The following MRPS15 variants were observed in gnomAD, a reference collection of about 807,000 sequenced individuals.
MRPS15 encodes small ribosomal subunit protein uS15m.
MRPS15 carries 25 observed loss-of-function variants against 30.7 expected under a neutral mutation model. That is an observed-to-expected ratio of 0.81 (90% CI 0.59 to 1.14). MRPS15 has a LOEUF of 1.14. Ranked by LOEUF, MRPS15 falls within the 50% of genes most tolerant of loss-of-function variation. MRPS15 has a pLI of 0.00. For synonymous variants in MRPS15, 124 were observed against 120.1 expected, an observed-to-expected ratio of 1.03 and a Z score of -0.21; for missense variants, 313 against 321.7, an observed-to-expected ratio of 0.97 and a Z score of 0.21.
chr1:36,456,639 G>T, intron 6 of MRPS15: 1 of 370,414 alleles, frequency 2.7e-6, no homozygotes, highest in East Asian at 5.5e-5. Flanking sequence ...CTATTGGTCT[G>T]ACTTCAAACC....
At chr1:36,463,879 A>G (rs1179124751) in intron 1 of MRPS15, 29 bp from the exon 2 acceptor site, 4 of 1,601,012 alleles carry the variant, frequency 2.5e-6, no homozygotes, top group East Asian at 2.2e-5. Context: ...GCTGAGGACC[A>G]TCTCCTTAAA....
chr1:36,461,312 C>T lies in MRPS15; in HGVS notation c.252G>A (p.Lys84=), dbSNP rs1483271988. ...KDYQNVPGIE[K]VDDVVKRLLS... Reference sequence around the variant, plus strand: ...AGAGTCTTTTCACGACATCATCAACCCTGTGGATAAACCACAGCAATGAGA... The same window carrying T: ...AGAGTCTTTTCACGACATCATCAACTCTGTGGATAAACCACAGCAATGAGA... The change falls in exon 4 of 8, where the codon AAG becomes AAA. Residue 84 remains lysine, a splice_region_variant and synonymous_variant. Transcript: ENST00000373116. 1 of 1,614,108 alleles carries T rather than the reference C, an allele frequency of 6.2e-7. No individual in the cohort carries two copies.
chr1:36,461,234 G>A, intron 4 of MRPS15, 30 bp downstream of exon 4: 1 of 1,613,244 alleles, frequency 6.2e-7, no homozygotes, highest in South Asian at 1.1e-5. Flanking sequence ...GAAGACTGCG[G>A]GAGGCTGAGG....
intron 5 of MRPS15, among the ~76,000 whole-genome samples, chr1:36,460,073 C>G (rs987702510): frequency 6.6e-6 from 1 of 152,158 alleles, no homozygotes; most frequent in African/African-American, 2.4e-5. Context: ...TGCAGTGGCG[C>G]GATCTCGGCT....
chr1:36,463,674 G>A, intron 2 of MRPS15, 132 bp downstream of exon 2: 1 of 1,022,860 alleles, frequency 9.8e-7, no homozygotes, highest in South Asian at 1.7e-5. Context: ...TAAGGTGGAC[G>A]TGGGGTCTTT....
intron 6 of MRPS15, chr1:36,456,657 C>G (rs61772391): frequency 0.19 from 61,207 of 314,544 alleles, 6,534 homozygotes; most frequent in East Asian, 0.28. Context: ...ACCTCATGCT[C>G]TTTCTCCTAC....
In MRPS15 at chr1:36,458,934, G is replaced by A. The variant is rs147837207; in HGVS notation, c.386-953C>T. The A allele has an allele frequency of 2.6e-5, 4 of 152,368 alleles. No homozygotes were observed. Among genetic ancestry groups the A allele is most frequent in the Non-Finnish European group, 5.9e-5 (4 of 68,060 alleles). The allele number at this position is 152,368 out of a possible 1,614,324, so 9.4% of individuals were successfully genotyped here. On this transcript the variant is annotated intron_variant, in intron 5 of 7. Coordinates refer to ENST00000373116, the MANE Select transcript of MRPS15 (RefSeq NM_031280.4). The surrounding 1 kb of genome is among the most constrained non-coding windows in gnomAD (Gnocchi z 4.5). ...GAGTTCTGGGAGCACTGCAGAAAGTGCAGTGGGAACCCTGACCCCGACCAC... is the reference window on the plus strand; with the variant it reads ...GAGTTCTGGGAGCACTGCAGAAAGTACAGTGGGAACCCTGACCCCGACCAC...
At chr1:36,460,153 G>T (rs1292518087) in intron 5 of MRPS15, among the ~76,000 whole-genome samples, 3 of 152,070 alleles carry the variant, frequency 2.0e-5, no homozygotes, top group Non-Finnish European at 4.4e-5. Context: ...GACTACAGGC[G>T]CCCGCCACCA....
intron 2 of MRPS15, among the ~76,000 whole-genome samples, chr1:36,462,624 A>G (rs1012167519): frequency 9.9e-5 from 15 of 152,214 alleles, no homozygotes; most frequent in Admixed American, 2.6e-4. Flanking sequence ...CACCAAGTAG[A>G]GATCACAGGA....
chr1:36,463,974 AT>A (rs1650153964), intron 1 of MRPS15, 124 bp from the exon 2 acceptor site: 1 of 1,498,734 alleles, frequency 6.7e-7, no homozygotes, highest in Non-Finnish European at 9.0e-7. Context: ...CCGCTGCCCC[AT>A]TTCTTCCCTA....
rs773433131 is a variant in MRPS15 at position 36,464,158 on chromosome 1, G to A, written c.118C>T (p.Leu40=). 1.2e-6 allele frequency: 2 copies of A among 1,613,734 alleles called. No individual in the cohort carries two copies. Among genetic ancestry groups the A allele is most frequent in the Admixed American group, 1.7e-5 (1 of 59,972 alleles). ...SAKFPFNQWG[L]QPRSLLLQAA... ...CTCAGCTCCTCACTTCGAGGCTGCAGGCCCCACTGGTTGAAAGGAAACTTG... is the reference window on the plus strand; with the variant it reads ...CTCAGCTCCTCACTTCGAGGCTGCAAGCCCCACTGGTTGAAAGGAAACTTG... Residue 40 remains leucine, a synonymous_variant, in exon 1 of 8, where the codon CTG becomes TTG. Coordinates refer to ENST00000373116, the MANE Select transcript of MRPS15 (RefSeq NM_031280.4).
intron 5 of MRPS15, among the ~76,000 whole-genome samples, chr1:36,460,294 C>A (rs1019211142): frequency 6.6e-6 from 1 of 152,218 alleles, no homozygotes; most frequent in African/African-American, 2.4e-5. Context: ...GCGTGAGCCA[C>A]CGCGCCTGGC....
intron 1 of MRPS15, 95 bp from the exon 2 acceptor site, chr1:36,463,945 T>C: frequency 2.0e-6 from 3 of 1,530,498 alleles, no homozygotes; most frequent in South Asian, 2.4e-5. Context: ...CGCCACGGTC[T>C]ATGCGCTTCT....
rs746246055 is a variant in MRPS15 at position 36,460,662 on chromosome 1, AC to A, written c.385+29del. On this transcript the variant is annotated intron_variant, in intron 5 of 7. Transcript: ENST00000373116. The stretch of plus-strand genomic sequence containing the variant: ...GGTCCCAGCTAGCAGGCTTCCCTAC[AC>A]CCCCACTCCCCAAGGGTCCCCGACC... 5 of 1,569,804 alleles carry A rather than the reference AC, an allele frequency of 3.2e-6. No homozygotes were observed. The African/African-American group carries it at 6.8e-5, about 21-fold the overall frequency.
chr1:36,456,485 T>C (rs184151644), intron 6 of MRPS15, 107 bp from the exon 7 acceptor site: 9 of 1,070,206 alleles, frequency 8.4e-6, no homozygotes, highest in African/African-American at 3.2e-5. Flanking sequence ...AGTAATCTTA[T>C]GCAAATATTA....
In MRPS15 at chr1:36,458,748, C is replaced by G. The variant is rs1650041131; in HGVS notation, c.386-767G>C. ...CTCCATGCTTTGACTAATGAATTTT[C>G]AGAATTATCAGCTCCCACTTGTCTC... On this transcript the variant is annotated intron_variant, in intron 5 of 7. Coordinates refer to ENST00000373116, the MANE Select transcript of MRPS15 (RefSeq NM_031280.4). The surrounding 1 kb of genome is among the most constrained non-coding windows in gnomAD (Gnocchi z 4.5). The G allele has an allele frequency of 6.6e-6, 1 of 152,270 alleles. No homozygotes were observed. The highest frequency in any genetic ancestry group is 1.5e-5 in the Non-Finnish European group (1 of 68,070). The allele number at this position is 152,270 out of a possible 1,614,324, so 9.4% of individuals were successfully genotyped here.
At chr1:36,460,331 C>T (rs16823046) in intron 5 of MRPS15, among the ~76,000 whole-genome samples, 12,855 of 152,214 alleles carry the variant, frequency 0.084, 589 homozygotes, top group Middle Eastern at 0.16. Flanking sequence ...TATCACACAT[C>T]GTGAGCTTTA....
intron 3 of MRPS15, 66 bp downstream of exon 3, chr1:36,462,022 T>TC: frequency 7.1e-7 from 1 of 1,399,540 alleles, no homozygotes; most frequent in Non-Finnish European, 1.0e-6. Context: ...AGCCACTGTC[T>TC]TTCCCCACTC....
At chr1:36,457,298 T>C (rs1379701462) in intron 6 of MRPS15, among the ~76,000 whole-genome samples, 1 of 150,010 alleles carries the variant, frequency 6.7e-6, no homozygotes, top group Non-Finnish European at 1.5e-5. Context: ...AAAATATATA[T>C]ATATATGGGT....
Sources: allele counts gnomAD v4.1 joint callset (sites outside exome capture counted in the v4.1 genomes callset), GRCh38; gene constraint gnomAD v4.1.1; non-coding constraint Gnocchi (gnomAD v3.1); transcripts MANE v1.5; gene names NCBI Gene and HGNC (gene_info 2026-07-23, HGNC 2026-07-21).